The following UBE3D variants were observed in gnomAD, a reference collection of about 807,000 sequenced individuals.
The protein encoded by UBE3D is E3 ubiquitin-protein ligase E3D.
In UBE3D, 48 loss-of-function variants were observed where a neutral mutation model predicts 49.6. The ratio of observed to expected loss-of-function variants is 0.97; its 90% confidence interval spans 0.77 to 1.23. UBE3D has a LOEUF of 1.23. Ranked by LOEUF, UBE3D falls within the 50% of genes most tolerant of loss-of-function variation. The pLI, the probability that UBE3D is intolerant of heterozygous loss-of-function variation, is 0.00. For missense variants in UBE3D, 452 were observed against 468.4 expected, an observed-to-expected ratio of 0.96 and a Z score of 0.32; for synonymous variants, 189 against 174.2, an observed-to-expected ratio of 1.08 and a Z score of -0.67.
At chr6:82,885,928 T>A in the UBE3D span, among the ~76,000 whole-genome samples, 5 of 152,174 alleles carry the variant, frequency 3.3e-5, no homozygotes. Flanking sequence ...AAATCTTGCC[T>A]CATCCAGACA....
intron 9 of UBE3D, among the ~76,000 whole-genome samples, chr6:82,916,324 G>T (rs142586553): frequency 3.2e-4 from 48 of 152,190 alleles, no homozygotes; most frequent in South Asian, 4.1e-4. Context: ...AATATAGCAA[G>T]ACTCATGAAG....
At position 83,005,979 on chromosome 6, in the gene UBE3D, C is replaced by A. The variant is rs138257511; in HGVS notation, c.1010+12994G>T. ...GTGGCTCACACCTATAATCCCAGTA[C>A]GTTGGGAGGCTGAGATGGGTGTATC... On this transcript the variant is annotated intron_variant, in intron 8 of 9. Coordinates refer to ENST00000369747, the MANE Select transcript of UBE3D (RefSeq NM_198920.3). 4.5e-3 allele frequency among the ~76,000 whole-genome samples: 689 copies of A among 152,140 alleles called. 4 individuals are homozygous for A. The highest frequency in any genetic ancestry group is 6.9e-3 in the Non-Finnish European group (470 of 67,992).
At chr6:83,029,468 T>C (rs562222131) in intron 5 of UBE3D, among the ~76,000 whole-genome samples, 86 of 152,330 alleles carry the variant, frequency 5.6e-4, no homozygotes, top group African/African-American at 1.9e-3. Flanking sequence ...TTTTTCTAAT[T>C]TATTGAGATT....
downstream of UBE3D, among the ~76,000 whole-genome samples, chr6:82,890,159 T>C (rs1018610836): frequency 1.3e-5 from 2 of 152,152 alleles, no homozygotes; most frequent in African/African-American, 4.8e-5. Context: ...TACAGCCTGC[T>C]TCAATTCTGT....
At chr6:82,943,405 G>C (rs1775163607) in intron 9 of UBE3D, among the ~76,000 whole-genome samples, 2 of 152,180 alleles carry the variant, frequency 1.3e-5, no homozygotes, top group African/African-American at 2.4e-5. Context: ...TGAAGCTGAT[G>C]CGGGAGAATT....
At chr6:82,985,367 T>TTTTG (rs1778404843) in intron 8 of UBE3D, among the ~76,000 whole-genome samples, 1 of 151,922 alleles carries the variant, frequency 6.6e-6, no homozygotes, top group Non-Finnish European at 1.5e-5. Context: ...TTTTGTTTTG[T>TTTTG]TTTGTTTTGT....
intron 8 of UBE3D, among the ~76,000 whole-genome samples, chr6:82,963,142 T>C (rs1477693402): frequency 6.7e-6 from 1 of 148,408 alleles, no homozygotes; most frequent in South Asian, 2.1e-4. Context: ...TTTAGGAGAG[T>C]AAGAACTACA....
At chr6:82,893,783 A>ATTC (rs1244848052) in intron 9 of UBE3D, among the ~76,000 whole-genome samples, 5 of 152,196 alleles carry the variant, frequency 3.3e-5, no homozygotes, top group Non-Finnish European at 7.3e-5. Context: ...AAGTAAAAAC[A>ATTC]TTCTACTCTT....
chr6:83,008,369 A>T (rs1374289739), intron 8 of UBE3D, among the ~76,000 whole-genome samples: 1 of 152,198 alleles, frequency 6.6e-6, no homozygotes, highest in Non-Finnish European at 1.5e-5. Flanking sequence ...AATATTTAGC[A>T]TCTAAATGCT....
At chr6:83,019,260 C>T (rs1400348734) in intron 7 of UBE3D, 124 bp from the exon 8 acceptor site, 5 of 899,400 alleles carry the variant, frequency 5.6e-6, no homozygotes, top group East Asian at 3.3e-5. Context: ...GAATCATGTA[C>T]ATAATTTTAA....
At chr6:82,997,669 A>G (rs1779339265) in intron 8 of UBE3D, among the ~76,000 whole-genome samples, 1 of 152,170 alleles carries the variant, frequency 6.6e-6, no homozygotes, top group Admixed American at 6.5e-5. Flanking sequence ...CAGTGAGCCG[A>G]GATGGTGCCA....
intron 9 of UBE3D, chr6:82,938,509 A>G (rs544274132): frequency 2.0e-5 from 3 of 152,174 alleles, no homozygotes; most frequent in Non-Finnish European, 4.4e-5. Context: ...GTAAAGAGAG[A>G]AGGAAAATAA....
chr6:83,012,915 G>A (rs994618845), intron 8 of UBE3D, among the ~76,000 whole-genome samples: 16 of 152,152 alleles, frequency 1.1e-4, no homozygotes, highest in African/African-American at 2.4e-4. Flanking sequence ...GGTGGTACCC[G>A]CATATCGTGC....
chr6:82,986,396 A>C (rs1242372531), intron 8 of UBE3D, among the ~76,000 whole-genome samples: 1 of 150,006 alleles, frequency 6.7e-6, no homozygotes, highest in Non-Finnish European at 1.5e-5. Flanking sequence ...ACTTGAAGTC[A>C]AGAAGTGGAG....
At chr6:82,929,015 C>T (rs577784730) in intron 9 of UBE3D, among the ~76,000 whole-genome samples, 5 of 152,234 alleles carry the variant, frequency 3.3e-5, no homozygotes, top group South Asian at 2.1e-4. Flanking sequence ...AACCACATAG[C>T]GACCAAAATA....
chr6:82,936,427 G>T (rs1423596893), intron 9 of UBE3D, among the ~76,000 whole-genome samples: 6 of 151,564 alleles, frequency 4.0e-5, no homozygotes, highest in Non-Finnish European at 5.9e-5. Flanking sequence ...AGTTAAATCA[G>T]AAGAAAATAA....
At chr6:82,882,558 T>C in the UBE3D span, among the ~76,000 whole-genome samples, 2 of 152,212 alleles carry the variant, frequency 1.3e-5, no homozygotes, top group Non-Finnish European at 2.9e-5. Context: ...GCTGCAGAAA[T>C]GCTACTCTGC....
intron 9 of UBE3D, among the ~76,000 whole-genome samples, chr6:82,931,632 A>C (rs894787720): frequency 6.6e-6 from 1 of 152,220 alleles, no homozygotes; most frequent in Admixed American, 6.5e-5. Flanking sequence ...ATTGGATTTC[A>C]GACTTGCATG....
intron 8 of UBE3D, among the ~76,000 whole-genome samples, chr6:83,000,985 C>G (rs908833819): frequency 6.6e-6 from 1 of 152,162 alleles, no homozygotes. Flanking sequence ...GCTAGAATTA[C>G]AGGCATGTGC....
Sources: gnomAD v4.1 joint callset for allele counts (sites outside exome capture counted in the v4.1 genomes callset) on GRCh38, gnomAD v4.1.1 for gene constraint, MANE v1.5 for transcripts, NCBI Gene and HGNC (gene_info 2026-07-23, HGNC 2026-07-21) for gene names.